The following CDH13 variants were observed in gnomAD, a reference collection of about 807,000 sequenced individuals.
CDH13 encodes the protein cadherin-13.
In CDH13, 24 loss-of-function variants were observed where a neutral mutation model predicts 63.8. The observed-to-expected ratio is 0.38, with a 90% CI of 0.27 to 0.53. The LOEUF is 0.53. CDH13 is among the 20% of genes least tolerant of loss of function. CDH13 has a pLI of 0.85. For synonymous variants in CDH13, 503 were observed against 355.3 expected (o/e 1.42, Z -4.67); for missense variants, 1,049 against 903.1 (o/e 1.16, Z -2.07).
chr16:83,368,884 T>TTATATATATATA (rs150563585), intron 6 of CDH13, among the ~76,000 whole-genome samples: 9 of 47,690 alleles, frequency 1.9e-4, no homozygotes, highest in Admixed American at 4.8e-4. Context: ...GTATTCCATG[T>TTATATATATATA]TATATATATA....
chr16:82,794,777 G>C (rs2036500626), intron 1 of CDH13, among the ~76,000 whole-genome samples: 1 of 152,152 alleles, frequency 6.6e-6, no homozygotes, highest in South Asian at 2.1e-4. Context: ...TATCTCAGAA[G>C]TTGTAGAATA....
intron 2 of CDH13, among the ~76,000 whole-genome samples, chr16:82,944,772 G>C (rs1367547914): frequency 6.6e-6 from 1 of 152,138 alleles, no homozygotes; most frequent in Non-Finnish European, 1.5e-5. Context: ...TTTGATGAGA[G>C]AGAGAAAGAG....
chr16:83,619,463 A>G (rs887873545), intron 8 of CDH13, among the ~76,000 whole-genome samples: 2 of 152,206 alleles, frequency 1.3e-5, no homozygotes, highest in Admixed American at 6.5e-5. Context: ...GGCTTCAACA[A>G]CAGATGTTTA....
chr16:82,737,614 G>A (rs1030224214), intron 1 of CDH13, among the ~76,000 whole-genome samples: 1 of 152,200 alleles, frequency 6.6e-6, no homozygotes. Context: ...GTGGGGATTT[G>A]AGGGTAGCTT....
chr16:82,861,159 A>G (rs1007117538), intron 2 of CDH13, among the ~76,000 whole-genome samples: 4 of 152,232 alleles, frequency 2.6e-5, no homozygotes, highest in Non-Finnish European at 4.4e-5. Flanking sequence ...GATCCAGGAA[A>G]TGGTTAGGGA....
chr16:83,686,598 C>T (rs545339208), intron 10 of CDH13, among the ~76,000 whole-genome samples: 7 of 152,200 alleles, frequency 4.6e-5, no homozygotes, highest in African/African-American at 1.4e-4. Flanking sequence ...CTTGCAAGAA[C>T]GGTGGATAAA....
intron 4 of CDH13, among the ~76,000 whole-genome samples, chr16:83,172,504 A>G (rs1179927425): frequency 6.6e-6 from 1 of 152,036 alleles, no homozygotes; most frequent in Non-Finnish European, 1.5e-5. Context: ...AGAAAAAAAA[A>G]GCTAAAAACA....
chr16:83,072,614 C>G (rs961486000), intron 3 of CDH13, among the ~76,000 whole-genome samples: 1 of 152,156 alleles, frequency 6.6e-6, no homozygotes, highest in African/African-American at 2.4e-5. Flanking sequence ...TCTTCTTTTA[C>G]CAGCTGTGTG....
chr16:83,005,818 C>A (rs1025405436), intron 2 of CDH13, among the ~76,000 whole-genome samples: 1 of 152,142 alleles, frequency 6.6e-6, no homozygotes, highest in Non-Finnish European at 1.5e-5. Context: ...AAAACAATTC[C>A]TGGCAGAGGA....
intron 5 of CDH13, among the ~76,000 whole-genome samples, chr16:83,231,653 C>A (rs1051374681): frequency 2.0e-5 from 3 of 152,202 alleles, no homozygotes; most frequent in Non-Finnish European, 4.4e-5. Context: ...GTGGCCTCTT[C>A]CACCCTGCAG....
intron 5 of CDH13, among the ~76,000 whole-genome samples, chr16:83,220,832 A>G (rs1461195502): frequency 6.6e-6 from 1 of 152,200 alleles, no homozygotes; most frequent in Non-Finnish European, 1.5e-5. Flanking sequence ...AACCTCAGGG[A>G]TTTGTATGAT....
intron 1 of CDH13, among the ~76,000 whole-genome samples, chr16:82,758,705 T>G (rs2034717896): frequency 6.6e-6 from 1 of 152,222 alleles, no homozygotes; most frequent in African/African-American, 2.4e-5. Context: ...AGGCACTTTC[T>G]TCTAAATGGG....
intron 10 of CDH13, among the ~76,000 whole-genome samples, chr16:83,699,755 A>G (rs1905935010): frequency 6.6e-6 from 1 of 152,202 alleles, no homozygotes; most frequent in South Asian, 2.1e-4. Context: ...ATCACATCAA[A>G]CAACTTCAAC....
chr16:83,593,348 A>G (rs1484564629), intron 7 of CDH13, among the ~76,000 whole-genome samples: 1 of 152,204 alleles, frequency 6.6e-6, no homozygotes, highest in Non-Finnish European at 1.5e-5. Flanking sequence ...TGACTCCTAG[A>G]GCAGCATGTG....
At chr16:83,469,271 A>G (rs1338520991) in intron 6 of CDH13, among the ~76,000 whole-genome samples, 1 of 152,338 alleles carries the variant, frequency 6.6e-6, no homozygotes, top group Non-Finnish European at 1.5e-5. Flanking sequence ...CCAGTCTTAT[A>G]GCAGGAGGAA....
intron 10 of CDH13, among the ~76,000 whole-genome samples, chr16:83,744,966 G>A (rs528534799): frequency 8.5e-5 from 13 of 152,276 alleles, no homozygotes; most frequent in African/African-American, 3.1e-4. Context: ...TCCAGCCTGC[G>A]AATCCCAACC....
chr16:83,042,567 T>C lies in CDH13; in HGVS notation c.366+10349T>C, dbSNP rs115673083. On this transcript the variant is annotated intron_variant, in intron 3 of 13. Coordinates refer to ENST00000567109, the MANE Select transcript of CDH13 (RefSeq NM_001257.5). ...TAACTAATAATAGAAATAAAGTGCA[T>C]GATAAATGTAATGCACTTGAATCAT... Among the ~76,000 whole-genome samples the C allele has an allele frequency of 8.0e-3, 1,222 of 152,290 alleles. 15 individuals carry two copies. Among genetic ancestry groups the C allele is most frequent in the African/African-American group, 0.026 (1,098 of 41,556 alleles).
At chr16:83,024,255 T>C (rs2151460126) in intron 2 of CDH13, among the ~76,000 whole-genome samples, 1 of 152,314 alleles carries the variant, frequency 6.6e-6, no homozygotes, top group East Asian at 1.9e-4. Context: ...TTACTTCTTT[T>C]GAATTTGGCT....
rs1275540243 is a variant in CDH13, at chr16:83,191,466, T to TATATATATATATATATATATATGCAC, written c.484-25865_484-25840dup. 3.7e-4 allele frequency among the ~76,000 whole-genome samples: 43 copies of TATATATATATATATATATATATGCAC among 116,138 alleles called. 1 individual carries two copies. Among genetic ancestry groups the TATATATATATATATATATATATGCAC allele is most frequent in the East Asian group, 6.5e-4 (3 of 4,586 alleles). 76.2% of individuals were successfully genotyped at this position (116,138 alleles called of 152,430 possible). ...GGACAGAACTAATAGGAAATATATA[T>TATATATATATATATATATATATGCAC]ATATATATATATATATATATATGCA... On this transcript the variant is annotated intron_variant, in intron 4 of 13. Coordinates refer to ENST00000567109, the MANE Select transcript of CDH13 (RefSeq NM_001257.5).
Sources: gnomAD v4.1 joint callset for allele counts (sites outside exome capture counted in the v4.1 genomes callset) on GRCh38, gnomAD v4.1.1 for gene constraint, MANE v1.5 for transcripts, NCBI Gene and HGNC (gene_info 2026-07-23, HGNC 2026-07-21) for gene names.